GDAP1: variants seen among roughly 807,000 people sequenced by gnomAD.
GDAP1 encodes ganglioside-induced differentiation-associated protein 1.
GDAP1 carries 34 observed loss-of-function variants against 40.1 expected under a neutral mutation model. The ratio of observed to expected loss-of-function variants is 0.85; its 90% confidence interval spans 0.64 to 1.13. GDAP1 has a LOEUF of 1.13. Among genes scored for constraint, GDAP1 ranks in the 50% most tolerant of loss-of-function variants. The pLI is 0.00. For missense variants in GDAP1, 374 were observed against 433.7 expected (o/e 0.86, Z 1.22); for synonymous variants, 170 against 157.4 (o/e 1.08, Z -0.60).
chr8:74,473,246 G>A (rs933991278), intron 2 of GDAP1, among the ~76,000 whole-genome samples: 2 of 152,096 alleles, frequency 1.3e-5, no homozygotes, highest in African/African-American at 4.8e-5. Context: ...TCTGTAGGTG[G>A]TCTGTTTACT....
Position 74,361,965 on chromosome 8 carries a change from A to G in GDAP1, c.566A>G (p.Gln189Arg). Reference protein sequence around the residue: ...PDLQEAYIAKQKRLKSKLLDH... With the variant: ...PDLQEAYIAKRKRLKSKLLDH... ...TTACAAGAAGCATACATTGCAAAAC[A>G]GAAACGACTTAAAGTAAGCCAATCA... Residue 189 changes from glutamine (Q) to arginine (R), a missense_variant, in exon 4 of 6, where the codon CAG (glutamine) becomes CGG (arginine). Coordinates refer to ENST00000220822, the MANE Select transcript of GDAP1 (RefSeq NM_018972.4). 4 of 1,585,470 alleles carry G rather than the reference A, an allele frequency of 2.5e-6. No individual in the cohort carries two copies. Among genetic ancestry groups the G allele is most frequent in the Non-Finnish European group, 3.5e-6 (4 of 1,155,156 alleles).
rs74817368 is a variant in GDAP1, at chr8:74,391,146, A to T, written c.165+39825A>T. Among the ~76,000 whole-genome samples the T allele has an allele frequency of 1.0e-3, 154 of 151,946 alleles. 2 individuals carry two copies. The East Asian group carries it at 0.027, about 27-fold the overall frequency. ...GGGGTGGGATCTGCTGAGCCAGACCACTTAGCTTCCTGACTTCAGCCCGCT... is the reference window on the plus strand; with the variant it reads ...GGGGTGGGATCTGCTGAGCCAGACCTCTTAGCTTCCTGACTTCAGCCCGCT... On this transcript the variant is annotated intron_variant, in intron 2 of 2. Transcript: ENST00000523640.
chr8:74,437,489 G>A lies in GDAP1; in HGVS notation c.166-51189G>A, dbSNP rs552438989. Among the ~76,000 whole-genome samples, 18 of 152,034 alleles carry A rather than the reference G, an allele frequency of 1.2e-4. No individual in the cohort carries two copies. The East Asian group carries it at 3.5e-3, about 29-fold the overall frequency. ...ATTATTTATTTTTACACTTTTAAGA[G>A]CATTTAAAGTGAAATAAATCCTTAC... On this transcript the variant is annotated intron_variant, in intron 2 of 2. Transcript: ENST00000523640.
chr8:74,354,465 T>C (rs1809012969), intron 2 of GDAP1, among the ~76,000 whole-genome samples: 1 of 152,190 alleles, frequency 6.6e-6, no homozygotes, highest in South Asian at 2.1e-4. Flanking sequence ...AGAAATACGA[T>C]TACATTTGTG....
chr8:74,463,460 CA>C (rs11333344), intron 2 of GDAP1, among the ~76,000 whole-genome samples: 92,721 of 143,452 alleles, frequency 0.65, 29,647 homozygotes, highest in South Asian at 0.74. Flanking sequence ...GACCCTGTCT[CA>C]AAAAAAAAAA....
chr8:74,399,324 A>G (rs1435942423), intron 2 of GDAP1, among the ~76,000 whole-genome samples: 1 of 149,950 alleles, frequency 6.7e-6, no homozygotes, highest in Admixed American at 6.6e-5. Context: ...TAGATTTTCT[A>G]GTTTATTTGC....
At chr8:74,435,492 G>C (rs1806077765) in intron 2 of GDAP1, among the ~76,000 whole-genome samples, 1 of 152,124 alleles carries the variant, frequency 6.6e-6, no homozygotes, top group African/African-American at 2.4e-5. Context: ...ATTCAAATAA[G>C]AAGAAGCTTG....
At chr8:74,437,664 A>G (rs1411056936) in intron 2 of GDAP1, among the ~76,000 whole-genome samples, 2 of 152,154 alleles carry the variant, frequency 1.3e-5, no homozygotes, top group African/African-American at 4.8e-5. Flanking sequence ...TATGTTTAAA[A>G]TGTATGTAAA....
chr8:74,352,543 C>T (rs752415778), intron 2 of GDAP1, among the ~76,000 whole-genome samples: 8 of 152,178 alleles, frequency 5.3e-5, no homozygotes, highest in Non-Finnish European at 1.0e-4. Context: ...TGGGCAGTGG[C>T]GAGGGGGAAG....
intron 2 of GDAP1, among the ~76,000 whole-genome samples, chr8:74,409,900 G>T (rs1261874765): frequency 6.7e-5 from 10 of 149,800 alleles, no homozygotes; most frequent in Non-Finnish European, 1.0e-4. Flanking sequence ...CAGAAAGATG[G>T]ACTTGAGACT....
intron 2 of GDAP1, among the ~76,000 whole-genome samples, chr8:74,384,937 T>C (rs754054788): frequency 3.3e-5 from 5 of 152,170 alleles, no homozygotes; most frequent in Non-Finnish European, 5.9e-5. Context: ...ACAATATCCA[T>C]ATGGGTATGG....
At chr8:74,405,974 C>G (rs958747651) in intron 2 of GDAP1, among the ~76,000 whole-genome samples, 2 of 149,982 alleles carry the variant, frequency 1.3e-5, no homozygotes, top group Non-Finnish European at 2.9e-5. Flanking sequence ...GTGAAAGTTT[C>G]CACATGGGAG....
At chr8:74,394,254 G>A (rs546710040) in intron 2 of GDAP1, among the ~76,000 whole-genome samples, 4 of 152,102 alleles carry the variant, frequency 2.6e-5, no homozygotes, top group Non-Finnish European at 4.4e-5. Flanking sequence ...GAGAACAGTA[G>A]GAGAAAGACC....
chr8:74,446,862 T>G (rs1222095979), intron 2 of GDAP1, among the ~76,000 whole-genome samples: 1 of 152,034 alleles, frequency 6.6e-6, no homozygotes, highest in Admixed American at 6.6e-5. Context: ...ATAGGCAAAT[T>G]CATAGAGACA....
intron 2 of GDAP1, among the ~76,000 whole-genome samples, chr8:74,459,170 G>A (rs1395723436): frequency 1.3e-5 from 2 of 152,080 alleles, no homozygotes; most frequent in African/African-American, 4.8e-5. Flanking sequence ...GTGGGTGGAA[G>A]CCCAAAAGAG....
rs1365171781 is a variant in GDAP1, at chr8:74,390,303, C to A, written c.165+38982C>A. Among the ~76,000 whole-genome samples the A allele has an allele frequency of 2.0e-5, 3 of 152,116 alleles. No homozygotes were observed. The East Asian group carries it at 5.8e-4, about 29-fold the overall frequency. ...TTTTAGCCTTTTTGCGCTGGTTTTT[C>A]TTCATCTTCATGGATTTATTTACCT... On this transcript the variant is annotated intron_variant, in intron 2 of 2. Transcript: ENST00000523640.
intron 2 of GDAP1, among the ~76,000 whole-genome samples, chr8:74,396,808 A>G (rs374928854): frequency 2.0e-5 from 3 of 152,190 alleles, no homozygotes; most frequent in Non-Finnish European, 4.4e-5. Context: ...TAGTGCCGCA[A>G]TAAACATATG....
Position 74,364,395 on chromosome 8 carries a change from C to T in GDAP1, c.*28C>T, listed in dbSNP as rs375005505. 13 of 1,605,956 alleles carry T rather than the reference C, an allele frequency of 8.1e-6. No individual in the cohort carries two copies. The highest frequency in any genetic ancestry group is 2.7e-5 in the African/African-American group (2 of 74,876). ...TTGTTGGGATCTTGTCGTGGCAGCT[C>T]ATCCAAGCATTTAGCTAGACCCTGT... On this transcript the variant is annotated 3_prime_UTR_variant, in exon 6 of 6. Transcript: ENST00000220822.
At chr8:74,382,856 A>G (rs1301620917) in intron 2 of GDAP1, among the ~76,000 whole-genome samples, 3 of 152,018 alleles carry the variant, frequency 2.0e-5, no homozygotes, top group Non-Finnish European at 4.4e-5. Context: ...AATTTTGTCT[A>G]TCTTTTATTT....
Sources: allele counts gnomAD v4.1 joint callset (sites outside exome capture counted in the v4.1 genomes callset), GRCh38; gene constraint gnomAD v4.1.1; transcripts MANE v1.5; gene names NCBI Gene and HGNC (gene_info 2026-07-23, HGNC 2026-07-21).